CAMK1D: variants seen among roughly 807,000 people sequenced by gnomAD.
CAMK1D encodes calcium/calmodulin-dependent protein kinase type 1D.
In CAMK1D, 9 loss-of-function variants were observed where a neutral mutation model predicts 47.7. The observed-to-expected ratio is 0.19, with a 90% CI of 0.11 to 0.33. CAMK1D has a LOEUF of 0.33. Ranked by LOEUF, CAMK1D falls within the 10% of genes least tolerant of loss-of-function variation. The pLI, the probability that CAMK1D is intolerant of heterozygous loss-of-function variation, is 1.00. For synonymous variants in CAMK1D, 184 were observed against 184.9 expected, an observed-to-expected ratio of 0.99 and a Z score of 0.04; for missense variants, 291 against 488.7, an observed-to-expected ratio of 0.60 and a Z score of 3.81.
chr10:12,723,391 C>T (rs973285634), intron 3 of CAMK1D, among the ~76,000 whole-genome samples: 3 of 152,210 alleles, frequency 2.0e-5, no homozygotes, highest in South Asian at 2.1e-4. Flanking sequence ...TGACAGAACC[C>T]AAACTAATTA....
At chr10:12,643,338 A>T (rs1839718610) in intron 2 of CAMK1D, among the ~76,000 whole-genome samples, 1 of 152,062 alleles carries the variant, frequency 6.6e-6, no homozygotes, top group Non-Finnish European at 1.5e-5. Context: ...AACTTGCCTT[A>T]TTGGGCCATA....
At chr10:12,774,554 C>T (rs566877042) in intron 5 of CAMK1D, among the ~76,000 whole-genome samples, 3 of 152,152 alleles carry the variant, frequency 2.0e-5, no homozygotes, top group Admixed American at 6.5e-5. Context: ...GATAGGATGC[C>T]GTGGGATGCT....
chr10:12,817,050 G>T (rs1270513307), intron 8 of CAMK1D, among the ~76,000 whole-genome samples: 2 of 152,128 alleles, frequency 1.3e-5, no homozygotes, highest in Non-Finnish European at 2.9e-5. Context: ...GAGAGCTTGT[G>T]CAGGGGAACA....
chr10:12,535,367 GC>G (rs1835936955), intron 1 of CAMK1D, among the ~76,000 whole-genome samples: 1 of 152,106 alleles, frequency 6.6e-6, no homozygotes, highest in East Asian at 1.9e-4. Context: ...TGTTCCCCCT[GC>G]CCCCACCAAA....
intron 10 of CAMK1D, among the ~76,000 whole-genome samples, chr10:12,827,150 C>A (rs926652586): frequency 6.8e-6 from 1 of 147,484 alleles, no homozygotes; most frequent in African/African-American, 2.5e-5. Flanking sequence ...TTTTCTTTCC[C>A]TCCTTTATTT....
intron 1 of CAMK1D, among the ~76,000 whole-genome samples, chr10:12,528,732 T>A (rs1835706375): frequency 8.3e-6 from 1 of 120,442 alleles, no homozygotes; most frequent in Admixed American, 9.0e-5. Flanking sequence ...GAGGAAATCC[T>A]CATCTTTTTT....
chr10:12,453,193 C>CTT (rs59619218), intron 1 of CAMK1D, among the ~76,000 whole-genome samples: 1 of 137,638 alleles, frequency 7.3e-6, no homozygotes, highest in Non-Finnish European at 1.5e-5. Context: ...TTTCTTTTTT[C>CTT]TTTTTTTTTT....
intron 3 of CAMK1D, among the ~76,000 whole-genome samples, chr10:12,721,667 G>GC (rs1162836105): frequency 5.9e-5 from 9 of 152,294 alleles, no homozygotes; most frequent in African/African-American, 2.2e-4. Flanking sequence ...TTATTACCTA[G>GC]CAGAGGGTAA....
At chr10:12,471,449 C>A (rs1833744264) in intron 1 of CAMK1D, among the ~76,000 whole-genome samples, 1 of 151,334 alleles carries the variant, frequency 6.6e-6, no homozygotes. Context: ...TGGCTGTGTA[C>A]ACATCAGGTG....
rs527445562 is a variant in CAMK1D at position 12,815,642 on chromosome 10, G to T, written c.755-608G>T. 3.9e-5 allele frequency among the ~76,000 whole-genome samples: 6 copies of T among 152,358 alleles called. No individual in the cohort carries two copies. The East Asian group carries it at 7.7e-4, about 20-fold the overall frequency. On this transcript the variant is annotated intron_variant, in intron 7 of 10. Coordinates refer to ENST00000619168, the MANE Select transcript of CAMK1D (RefSeq NM_153498.4). Reference sequence around the variant, plus strand: ...ATGATGTCATCAGTTCTGCCACCCAGCCCCTCACTTTCCCAGGGTCTTCTG... The same window carrying T: ...ATGATGTCATCAGTTCTGCCACCCATCCCCTCACTTTCCCAGGGTCTTCTG...
intron 8 of CAMK1D, among the ~76,000 whole-genome samples, chr10:12,817,053 G>A (rs1435647610): frequency 6.6e-6 from 1 of 152,074 alleles, no homozygotes; most frequent in East Asian, 1.9e-4. Context: ...AGCTTGTGCA[G>A]GGGAACACTC....
chr10:12,520,937 A>G (rs61847444), intron 1 of CAMK1D, among the ~76,000 whole-genome samples: 1 of 8,068 alleles, frequency 1.2e-4, no homozygotes, highest in African/African-American at 6.1e-4. Flanking sequence ...CCGTGGGGAG[A>G]GGGAGAGGGA....
intron 3 of CAMK1D, among the ~76,000 whole-genome samples, chr10:12,704,081 T>A (rs1401778898): frequency 6.6e-6 from 1 of 152,134 alleles, no homozygotes; most frequent in Non-Finnish European, 1.5e-5. Context: ...TGTGTAAATG[T>A]GCAAAGGGTA....
intron 2 of CAMK1D, among the ~76,000 whole-genome samples, chr10:12,569,722 C>CAAAAAA (rs56335336): frequency 0.016 from 1,128 of 71,048 alleles, 98 homozygotes; most frequent in African/African-American, 0.059. Context: ...GACTCCGTCT[C>CAAAAAA]AAAAAAAAAA....
intron 1 of CAMK1D, among the ~76,000 whole-genome samples, chr10:12,395,309 C>T (rs1038278569): frequency 6.6e-6 from 1 of 151,706 alleles, no homozygotes; most frequent in African/African-American, 2.4e-5. Context: ...TGACCTGCAG[C>T]CCCCGCCTCC....
chr10:12,653,420 C>T (rs917694993), intron 2 of CAMK1D, among the ~76,000 whole-genome samples: 39 of 152,168 alleles, frequency 2.6e-4, no homozygotes, highest in African/African-American at 9.4e-4. Flanking sequence ...TGTTTAAAAA[C>T]ACACATACAA....
At position 12,611,845 on chromosome 10, in the gene CAMK1D, G is replaced by A. The variant is rs554009594; in HGVS notation, c.225-54891G>A. Among the ~76,000 whole-genome samples the A allele has an allele frequency of 5.9e-5, 9 of 152,024 alleles. No individual in the cohort carries two copies. The South Asian group carries it at 1.9e-3, about 32-fold the overall frequency. ...TGACCTCAGGCGATCTACCCGCCTC[G>A]GCCTCCCAAAGTGCTGGGATTACAG... is the stretch of plus-strand genomic sequence containing the variant. On this transcript the variant is annotated intron_variant, in intron 2 of 10. Coordinates refer to ENST00000619168, the MANE Select transcript of CAMK1D (RefSeq NM_153498.4).
chr10:12,577,189 A>G (rs1837516710), intron 2 of CAMK1D, among the ~76,000 whole-genome samples: 4 of 151,978 alleles, frequency 2.6e-5, no homozygotes, highest in Admixed American at 2.6e-4. Flanking sequence ...ACAAGCCAGG[A>G]CAAGCCCAGG....
chr10:12,509,496 A>C (rs112180962), intron 1 of CAMK1D, among the ~76,000 whole-genome samples: 12,634 of 152,244 alleles, frequency 0.083, 597 homozygotes, highest in East Asian at 0.16. Context: ...CCTGTAACCC[A>C]AGCACTTTGG....
Sources: gnomAD v4.1 joint callset for allele counts (sites outside exome capture counted in the v4.1 genomes callset) on GRCh38, gnomAD v4.1.1 for gene constraint, MANE v1.5 for transcripts, NCBI Gene and HGNC (gene_info 2026-07-23, HGNC 2026-07-21) for gene names.